TNR: variants seen among roughly 807,000 people sequenced by gnomAD.
The protein encoded by TNR is tenascin R.
Under a neutral mutation model 150.4 loss-of-function variants are expected in TNR, and 45 were observed. The observed-to-expected ratio is 0.30, with a 90% confidence interval of 0.24 to 0.38. The LOEUF (loss-of-function observed/expected upper bound fraction) is 0.38. TNR is among the 10% of genes least tolerant of loss of function. The pLI is 1.00. For missense variants in TNR, 1,544 were observed against 1,759.1 expected (o/e 0.88, Z 2.19); for synonymous variants, 687 against 678.4 (o/e 1.01, Z -0.20).
intron 2 of TNR, among the ~76,000 whole-genome samples, chr1:175,494,735 A>G (rs1456285494): frequency 1.3e-5 from 2 of 152,196 alleles, no homozygotes; most frequent in Admixed American, 1.3e-4. Context: ...GTGGCACACC[A>G]TGTATCTGTT....
chr1:175,397,245 G>C (rs1653478484), intron 4 of TNR, among the ~76,000 whole-genome samples: 1 of 152,268 alleles, frequency 6.6e-6, no homozygotes, highest in South Asian at 2.1e-4. Context: ...TGTGTGCTCT[G>C]TCTGGTGAAA....
At chr1:175,709,653 T>G (rs12038088) in intron 1 of TNR, among the ~76,000 whole-genome samples, 8,419 of 152,282 alleles carry the variant, frequency 0.055, 321 homozygotes, top group East Asian at 0.17. Flanking sequence ...AGGCCTCACA[T>G]GCTCAGTGAC....
At chr1:175,629,397 G>T (rs1664255810) in intron 1 of TNR, among the ~76,000 whole-genome samples, 1 of 152,178 alleles carries the variant, frequency 6.6e-6, no homozygotes, top group Non-Finnish European at 1.5e-5. Flanking sequence ...AGCAGCTCAT[G>T]AACATTAAAA....
chr1:175,493,589 T>C (rs1036209816), intron 2 of TNR, among the ~76,000 whole-genome samples: 3 of 152,262 alleles, frequency 2.0e-5, no homozygotes, highest in African/African-American at 7.2e-5. Flanking sequence ...GGACAGCCTC[T>C]GCCAGGCCCC....
chr1:175,678,451 G>A (rs1372134459), intron 1 of TNR, among the ~76,000 whole-genome samples: 1 of 152,162 alleles, frequency 6.6e-6, no homozygotes, highest in African/African-American at 2.4e-5. Flanking sequence ...AGTCACATGG[G>A]CCAGTCTGCA....
At chr1:175,461,023 C>G (rs1656793940) in intron 2 of TNR, among the ~76,000 whole-genome samples, 1 of 152,192 alleles carries the variant, frequency 6.6e-6, no homozygotes, top group Non-Finnish European at 1.5e-5. Flanking sequence ...ATGGCTGAAG[C>G]CAGAAGGGCA....
At chr1:175,622,238 A>G (rs1663999599) in intron 1 of TNR, among the ~76,000 whole-genome samples, 1 of 152,222 alleles carries the variant, frequency 6.6e-6, no homozygotes, top group African/African-American at 2.4e-5. Flanking sequence ...AAAAAGCCTT[A>G]CAGGCCCTCA....
intron 1 of TNR, among the ~76,000 whole-genome samples, chr1:175,725,312 T>G (rs915087407): frequency 2.6e-5 from 4 of 152,212 alleles, no homozygotes; most frequent in Admixed American, 2.6e-4. Context: ...TCCAGCCATA[T>G]AAGTGAACCT....
chr1:175,355,339 C>G lies in TNR; in HGVS notation c.3249+164G>C, dbSNP rs372261058. ...CTTCTGGCTTGCAGACTAGGGCTCT[C>G]TCATCAACAGCAGGCTGGGTATCCT... is the stretch of plus-strand genomic sequence containing the variant. On this transcript the variant is annotated intron_variant, in intron 17 of 22. Coordinates refer to ENST00000367674, the MANE Select transcript of TNR (RefSeq NM_003285.3). Among the ~76,000 whole-genome samples the G allele has an allele frequency of 3.9e-5, 6 of 151,978 alleles. No individual in the cohort carries two copies. The South Asian group carries it at 1.2e-3, about 32-fold the overall frequency.
At chr1:175,473,300 A>G (rs1640360961) in intron 2 of TNR, among the ~76,000 whole-genome samples, 1 of 152,138 alleles carries the variant, frequency 6.6e-6, no homozygotes, top group Non-Finnish European at 1.5e-5. Flanking sequence ...GTTCCTGTCA[A>G]TATCATCACA....
intron 3 of TNR, among the ~76,000 whole-genome samples, chr1:175,405,605 ATGTGTGTGTGAGAGTGTGTGTGTG>A (rs1397547280): frequency 8.0e-6 from 1 of 124,614 alleles, no homozygotes; most frequent in Non-Finnish European, 1.7e-5. Context: ...GAGAGAGAGT[ATGTGTGTGTGAGAGTGTGTGTGTG>A]TGTGTGTGTG....
intron 1 of TNR, among the ~76,000 whole-genome samples, chr1:175,629,254 C>T (rs866896675): frequency 1.9e-4 from 29 of 152,250 alleles, no homozygotes; most frequent in Middle Eastern, 3.4e-3. Flanking sequence ...CCCCAGGCTA[C>T]GATGTTTCTA....
chr1:175,363,753 C>G lies in TNR; in HGVS notation c.2662G>C (p.Val888Leu), dbSNP rs778646455. The G allele has an allele frequency of 2.5e-6, 4 of 1,613,908 alleles. No individual in the cohort carries two copies. The highest frequency in any genetic ancestry group is 3.4e-6 in the Non-Finnish European group (4 of 1,179,870). The change falls in exon 13 of 23, where the codon GTT (valine) becomes CTT (leucine). Residue 888 changes from valine (V) to leucine (L), a missense_variant. Physicochemically the swap from Val to Leu is conservative, Grantham distance 32. Around this residue, in one of 2 missense-constraint regions of TNR, gnomAD observed 1,254 missense variants for 1,329.4 expected, o/e 0.94. Transcript: ENST00000367674. The stretch of plus-strand genomic sequence containing the variant: ...ACTCGGTAGTAATCGAAAGATGCAA[C>G]AGGAGGGCTCCAGGAGACCATCACT... ...DSVMVSWSPP[V>L]ASFDYYRVSY...
rs534478529 is a variant in TNR at position 175,582,816 on chromosome 1, A to T, written c.-164-54447T>A. Among the ~76,000 whole-genome samples the T allele has an allele frequency of 8.2e-4, 125 of 152,298 alleles. 1 individual carries two copies. Among genetic ancestry groups the T allele is most frequent in the African/African-American group, 2.9e-3 (120 of 41,544 alleles). ...GGAACCTTTACAAGGTGATTAAGCC[A>T]TAAGGGAGGGCTCCACCCTTATGAA... is the stretch of plus-strand genomic sequence containing the variant. On this transcript the variant is annotated intron_variant, in intron 1 of 22. Coordinates refer to ENST00000367674, the MANE Select transcript of TNR (RefSeq NM_003285.3).
intron 1 of TNR, among the ~76,000 whole-genome samples, chr1:175,614,804 A>AGTTACC (rs1387629155): frequency 2.6e-5 from 4 of 152,152 alleles, no homozygotes; most frequent in African/African-American, 7.2e-5. Context: ...TCTCATCCTG[A>AGTTACC]CCTGTATGAG....
rs750335506 is a variant in TNR at position 175,403,380 on chromosome 1, C to T, written c.736G>A (p.Val246Met). 52 of 1,614,184 alleles carry T rather than the reference C, an allele frequency of 3.2e-5. No individual in the cohort carries two copies. The highest frequency in any genetic ancestry group is 2.0e-4 in the African/African-American group (15 of 75,058). ...PTDCSSRGLCVDGECVCEEPY... is the reference protein window; with the variant it reads ...PTDCSSRGLCMDGECVCEEPY... Reference sequence around the variant, plus strand: ...TCTTCACAGACACACTCCCCGTCCACGCAGAGCCCCCGGGAGCTGCAGTCT... The same window carrying T: ...TCTTCACAGACACACTCCCCGTCCATGCAGAGCCCCCGGGAGCTGCAGTCT... The change falls in exon 4 of 23, where the codon GTG (valine) becomes ATG (methionine). Residue 246 changes from valine (V) to methionine (M), a missense_variant. Val to Met is a conservative substitution (Grantham distance 21). This residue lies in a region of TNR where 1,254 missense variants were observed against 1,329.4 expected (regional missense o/e 0.94). Transcript: ENST00000367674.
intron 18 of TNR, among the ~76,000 whole-genome samples, chr1:175,347,120 G>A (rs940814594): frequency 6.6e-6 from 1 of 152,040 alleles, no homozygotes; most frequent in African/African-American, 2.4e-5. Context: ...ATATTCAGGA[G>A]AGATTTCTCT....
chr1:175,388,596 GA>G (rs1315288804), intron 7 of TNR, among the ~76,000 whole-genome samples: 1 of 152,188 alleles, frequency 6.6e-6, no homozygotes, highest in Non-Finnish European at 1.5e-5. Flanking sequence ...GCCACTCTTG[GA>G]TTCTGCCCTT....
At chr1:175,569,609 T>G (rs1661783424) in intron 1 of TNR, among the ~76,000 whole-genome samples, 1 of 152,228 alleles carries the variant, frequency 6.6e-6, no homozygotes, top group South Asian at 2.1e-4. Context: ...CTCATAGAAC[T>G]GTCAGCGATC....
Sources: gnomAD v4.1 joint callset for allele counts (sites outside exome capture counted in the v4.1 genomes callset) on GRCh38, gnomAD v4.1.1 for gene constraint, gnomAD v4.1.1 regional missense constraint, MANE v1.5 for transcripts, NCBI Gene and HGNC (gene_info 2026-07-23, HGNC 2026-07-21) for gene names.